SIL1: variants seen among roughly 807,000 people sequenced by gnomAD.
The protein encoded by SIL1 is SIL1 nucleotide exchange factor.
Under a neutral mutation model 49.1 loss-of-function variants are expected in SIL1, and 40 were observed. That is an observed-to-expected ratio of 0.81 (90% CI 0.63 to 1.06). SIL1 has a LOEUF of 1.06. Among genes scored for constraint, SIL1 ranks in the 50% least tolerant of loss-of-function variants. The pLI is 0.00. For missense variants in SIL1, 500 were observed against 572.6 expected, an observed-to-expected ratio of 0.87 and a Z score of 1.29; for synonymous variants, 253 against 250.8, an observed-to-expected ratio of 1.01 and a Z score of -0.08.
intron 3 of SIL1, among the ~76,000 whole-genome samples, chr5:139,104,134 G>A (rs1024134037): frequency 2.0e-5 from 3 of 152,218 alleles, no homozygotes; most frequent in Non-Finnish European, 4.4e-5. Context: ...CCATGCTGCA[G>A]GAGCCAAGCA....
chr5:139,149,566 C>T (rs1298854837), intron 1 of SIL1, among the ~76,000 whole-genome samples: 1 of 152,122 alleles, frequency 6.6e-6, no homozygotes, highest in Non-Finnish European at 1.5e-5. Flanking sequence ...ATGGGAAAAT[C>T]GGCAATTACA....
chr5:138,962,151 C>T (rs1045915543), intron 7 of SIL1, among the ~76,000 whole-genome samples: 1 of 151,936 alleles, frequency 6.6e-6, no homozygotes, highest in Admixed American at 6.6e-5. Context: ...CCAGATACCC[C>T]GTGCACCACG....
At chr5:139,064,368 G>A (rs1410338285) in intron 3 of SIL1, among the ~76,000 whole-genome samples, 1 of 152,224 alleles carries the variant, frequency 6.6e-6, no homozygotes. Context: ...GGTGGTGTGT[G>A]CAGGGATCAG....
intron 1 of SIL1, among the ~76,000 whole-genome samples, chr5:139,158,946 A>G (rs1188435843): frequency 1.3e-5 from 2 of 152,044 alleles, no homozygotes; most frequent in African/African-American, 2.4e-5. Context: ...CTGCAGGGAG[A>G]CTCTCTGACA....
chr5:139,188,801 G>C (rs1029623963), intron 1 of SIL1, among the ~76,000 whole-genome samples: 1 of 152,182 alleles, frequency 6.6e-6, no homozygotes, highest in Non-Finnish European at 1.5e-5. Flanking sequence ...GGCAGGCTCT[G>C]GACTAGCCAG....
intron 3 of SIL1, among the ~76,000 whole-genome samples, chr5:139,057,844 A>G (rs749824066): frequency 1.6e-4 from 24 of 152,318 alleles, no homozygotes; most frequent in Non-Finnish European, 2.8e-4. Context: ...GTCTGGTGAG[A>G]GCCTGTTCCT....
chr5:139,104,329 C>T (rs1180843208), intron 3 of SIL1, among the ~76,000 whole-genome samples: 5 of 152,182 alleles, frequency 3.3e-5, no homozygotes, highest in Admixed American at 3.3e-4. Flanking sequence ...GGACTCCTTT[C>T]TCTTGTTCTA....
chr5:139,010,746 C>T (rs1291581397), intron 7 of SIL1, among the ~76,000 whole-genome samples: 14 of 147,732 alleles, frequency 9.5e-5, no homozygotes, highest in African/African-American at 3.5e-4. Context: ...TGTGCCCCTG[C>T]TGGGGGGTGC....
intron 1 of SIL1, among the ~76,000 whole-genome samples, chr5:139,170,200 G>A (rs1166746750): frequency 6.6e-6 from 1 of 152,170 alleles, no homozygotes; most frequent in Non-Finnish European, 1.5e-5. Context: ...GTGCAGTGGC[G>A]TGATCTCGGC....
chr5:138,951,934 C>T (rs535450021), intron 7 of SIL1, 50 bp from the exon 8 acceptor site: 11 of 1,525,716 alleles, frequency 7.2e-6, no homozygotes, highest in East Asian at 4.5e-5. Flanking sequence ...GCCCAGGGAT[C>T]GGATGGTCAG....
At chr5:139,187,408 T>C (rs1173934717) in intron 1 of SIL1, among the ~76,000 whole-genome samples, 1 of 151,852 alleles carries the variant, frequency 6.6e-6, no homozygotes, top group Non-Finnish European at 1.5e-5. Flanking sequence ...TCCCAGCTAC[T>C]TGGGAGGCTG....
chr5:139,040,191 A>C (rs1769007285), intron 5 of SIL1, among the ~76,000 whole-genome samples: 1 of 152,192 alleles, frequency 6.6e-6, no homozygotes, highest in Admixed American at 6.5e-5. Flanking sequence ...ATATGTAAGA[A>C]ACTCCCCAAC....
intron 7 of SIL1, among the ~76,000 whole-genome samples, chr5:138,997,543 G>A (rs1767898236): frequency 6.6e-6 from 1 of 152,136 alleles, no homozygotes; most frequent in Non-Finnish European, 1.5e-5. Context: ...CCAATGCCAT[G>A]CTGATTTGGT....
chr5:139,115,246 T>TA (rs1363638310), intron 3 of SIL1, among the ~76,000 whole-genome samples: 2 of 152,156 alleles, frequency 1.3e-5, no homozygotes, highest in African/African-American at 2.4e-5. Flanking sequence ...TGTGGTATAA[T>TA]AAAAAATATG....
intron 7 of SIL1, among the ~76,000 whole-genome samples, chr5:139,011,237 C>T (rs1269576977): frequency 1.3e-5 from 2 of 151,504 alleles, no homozygotes; most frequent in African/African-American, 2.4e-5. Context: ...CAGGTGCGTC[C>T]GTCACCCCTT....
intron 1 of SIL1, among the ~76,000 whole-genome samples, chr5:139,159,950 A>T (rs1751477562): frequency 6.6e-6 from 1 of 152,138 alleles, no homozygotes; most frequent in Non-Finnish European, 1.5e-5. Context: ...CTAAAAAAAA[A>T]TTTCCTTTTA....
chr5:139,167,949 T>G (rs569259323), intron 1 of SIL1, among the ~76,000 whole-genome samples: 43 of 152,250 alleles, frequency 2.8e-4, no homozygotes. Flanking sequence ...CCCAAGTAGC[T>G]GGGACTCCAG....
At chr5:138,953,654 C>T (rs1489919302) in intron 7 of SIL1, among the ~76,000 whole-genome samples, 2 of 151,084 alleles carry the variant, frequency 1.3e-5, no homozygotes, top group Non-Finnish European at 2.9e-5. Flanking sequence ...CAGGCGCTGG[C>T]GCAGGGGGGC....
chr5:139,142,258 C>A (rs116318327), intron 1 of SIL1, among the ~76,000 whole-genome samples: 1,531 of 152,248 alleles, frequency 0.01, 24 homozygotes, highest in African/African-American at 0.033. Flanking sequence ...TTCACAAAAA[C>A]CAAAGAGAAG....
Sources: allele counts gnomAD v4.1 joint callset (sites outside exome capture counted in the v4.1 genomes callset), GRCh38; gene constraint gnomAD v4.1.1; transcripts MANE v1.5; gene names NCBI Gene and HGNC (gene_info 2026-07-23, HGNC 2026-07-21).